Variants in CNTN5 observed in about 807,000 individuals in gnomAD.
CNTN5 encodes contactin-5.
Under a neutral mutation model 129.1 loss-of-function variants are expected in CNTN5, and 77 were observed. The ratio of observed to expected loss-of-function variants is 0.60; its 90% confidence interval spans 0.50 to 0.72. CNTN5 has a LOEUF of 0.72. Among genes scored for constraint, CNTN5 ranks in the 30% least tolerant of loss-of-function variants. CNTN5 has a pLI of 0.00. For synonymous variants in CNTN5, 509 were observed against 465.6 expected, an observed-to-expected ratio of 1.09 and a Z score of -1.20; for missense variants, 1,478 against 1,328.8, an observed-to-expected ratio of 1.11 and a Z score of -1.75.
chr11:99,731,983 T>C (rs73552039), intron 3 of CNTN5, among the ~76,000 whole-genome samples: 1 of 152,150 alleles, frequency 6.6e-6, no homozygotes, highest in Non-Finnish European at 1.5e-5. Flanking sequence ...TGTATATAAA[T>C]GCCCATTTGA....
intron 6 of CNTN5, among the ~76,000 whole-genome samples, chr11:99,898,853 T>C (rs1010724000): frequency 2.2e-4 from 34 of 152,198 alleles, no homozygotes; most frequent in African/African-American, 7.5e-4. Flanking sequence ...TTATATCCTG[T>C]ATTTTTCTCA....
At chr11:99,598,608 A>T (rs1350131952) in intron 3 of CNTN5, among the ~76,000 whole-genome samples, 2 of 149,222 alleles carry the variant, frequency 1.3e-5, no homozygotes, top group African/African-American at 4.9e-5. Flanking sequence ...TTAATTTAGG[A>T]TTAAAAAGAT....
chr11:100,253,404 T>C (rs1565373601), intron 16 of CNTN5, among the ~76,000 whole-genome samples: 1 of 152,098 alleles, frequency 6.6e-6, no homozygotes, highest in Non-Finnish European at 1.5e-5. Context: ...CTAAATAATT[T>C]ATTATTATTT....
intron 8 of CNTN5, among the ~76,000 whole-genome samples, chr11:99,973,065 A>C (rs1432088969): frequency 6.6e-6 from 1 of 152,040 alleles, no homozygotes; most frequent in African/African-American, 2.4e-5. Context: ...AAGGTGAATG[A>C]AAGGCGATAA....
chr11:100,061,507 A>G, intron 10 of CNTN5, 114 bp downstream of exon 10: 1 of 705,712 alleles, frequency 1.4e-6, no homozygotes, highest in Non-Finnish European at 2.2e-6. Context: ...GTAATAATTT[A>G]TAATCATACT....
At chr11:99,788,830 A>G (rs1591181039) in intron 3 of CNTN5, among the ~76,000 whole-genome samples, 1 of 152,044 alleles carries the variant, frequency 6.6e-6, no homozygotes, top group East Asian at 1.9e-4. Context: ...ATTCTGAAAA[A>G]ATCTATTTTA....
chr11:99,491,157 G>T (rs1946020377), intron 2 of CNTN5, among the ~76,000 whole-genome samples: 2 of 152,114 alleles, frequency 1.3e-5, no homozygotes, highest in African/African-American at 4.8e-5. Context: ...GGATATTGGG[G>T]ATACAAATTC....
At chr11:100,064,107 A>AT in intron 10 of CNTN5, among the ~76,000 whole-genome samples, 1 of 152,164 alleles carries the variant, frequency 6.6e-6, no homozygotes, top group African/African-American at 2.4e-5. Context: ...CTCTCAATAG[A>AT]ATGAATTACT....
chr11:99,677,430 T>A (rs1953338922), intron 3 of CNTN5, among the ~76,000 whole-genome samples: 1 of 152,134 alleles, frequency 6.6e-6, no homozygotes, highest in Non-Finnish European at 1.5e-5. Context: ...ATGAGCAGTT[T>A]GAGGATGTTG....
At chr11:99,720,378 T>A (rs571864724) in intron 3 of CNTN5, among the ~76,000 whole-genome samples, 2 of 152,190 alleles carry the variant, frequency 1.3e-5, no homozygotes, top group African/African-American at 4.8e-5. Flanking sequence ...TAAATATGAT[T>A]CATTACATAA....
intron 13 of CNTN5, among the ~76,000 whole-genome samples, chr11:100,077,034 G>C (rs1944158179): frequency 6.6e-6 from 1 of 152,044 alleles, no homozygotes; most frequent in South Asian, 2.1e-4. Context: ...ATTATGACTA[G>C]AAACTTAACA....
chr11:99,150,447 G>T (rs1860001338), intron 1 of CNTN5, among the ~76,000 whole-genome samples: 1 of 151,846 alleles, frequency 6.6e-6, no homozygotes, highest in African/African-American at 2.4e-5. Flanking sequence ...GCTTAGTAGA[G>T]CAATAATAGT....
At chr11:99,704,138 C>T (rs1182410568) in intron 3 of CNTN5, among the ~76,000 whole-genome samples, 14 of 150,558 alleles carry the variant, frequency 9.3e-5, no homozygotes, top group Non-Finnish European at 1.3e-4. Flanking sequence ...TTTCTGGCCC[C>T]CAGTGACTGA....
chr11:99,819,837 C>T, intron 4 of CNTN5, 72 bp downstream of exon 4: 3 of 492,434 alleles, frequency 6.1e-6, no homozygotes, highest in Non-Finnish European at 8.5e-6. Context: ...ACTGTTGCAA[C>T]AGAGATCAAG....
intron 3 of CNTN5, among the ~76,000 whole-genome samples, chr11:99,655,128 G>A (rs1952305340): frequency 6.6e-6 from 1 of 151,970 alleles, no homozygotes; most frequent in Non-Finnish European, 1.5e-5. Flanking sequence ...GGTAGAATTT[G>A]GGGTCTTCAA....
chr11:99,473,632 T>C (rs568245745), intron 2 of CNTN5, among the ~76,000 whole-genome samples: 2 of 149,366 alleles, frequency 1.3e-5, no homozygotes, highest in African/African-American at 5.1e-5. Flanking sequence ...ACACTTTAAA[T>C]TTTTTTTTAA....
intron 15 of CNTN5, among the ~76,000 whole-genome samples, chr11:100,213,936 T>A (rs1456421627): frequency 6.6e-6 from 1 of 152,142 alleles, no homozygotes; most frequent in Non-Finnish European, 1.5e-5. Flanking sequence ...ATCAGAAACT[T>A]TCAAAGCAAG....
chr11:100,077,830 C>G (rs552303228), intron 13 of CNTN5, among the ~76,000 whole-genome samples: 1 of 151,882 alleles, frequency 6.6e-6, no homozygotes, highest in East Asian at 1.9e-4. Flanking sequence ...GAGCAAAACC[C>G]TGTCTCAAAA....
intron 2 of CNTN5, among the ~76,000 whole-genome samples, chr11:99,531,494 C>G (rs1221813291): frequency 2.0e-5 from 3 of 152,130 alleles, no homozygotes; most frequent in Non-Finnish European, 4.4e-5. Context: ...AGCAAGGAGC[C>G]TAATGTTAAT....
Sources: allele counts gnomAD v4.1 joint callset (sites outside exome capture counted in the v4.1 genomes callset), GRCh38; gene constraint gnomAD v4.1.1; transcripts MANE v1.5; gene names NCBI Gene and HGNC (gene_info 2026-07-23, HGNC 2026-07-21).